PARD3B: variants seen among roughly 807,000 people sequenced by gnomAD.
PARD3B encodes the protein partitioning defective 3 homolog B.
In PARD3B, 103 loss-of-function variants were observed where a neutral mutation model predicts 130.2. That is an observed-to-expected ratio of 0.79 (90% CI 0.67 to 0.93). The LOEUF (loss-of-function observed/expected upper bound fraction) is 0.93, where lower values mean the gene tolerates loss of function less well. Among genes scored for constraint, PARD3B ranks in the 40% least tolerant of loss-of-function variants. The pLI, the probability that PARD3B is intolerant of heterozygous loss-of-function variation, is 0.00. For missense variants in PARD3B, 1,609 were observed against 1,499.2 expected (o/e 1.07, Z -1.21); for synonymous variants, 583 against 553.2 (o/e 1.05, Z -0.76).
Position 205,488,604 on chromosome 2 carries a change from G to A in PARD3B, c.3045-11292G>A, listed in dbSNP as rs117753639. Reference sequence around the variant, plus strand: ...ATTAGATGGCTCTTCCCTTGGTTGAGCATCAGCTGAAGTAGTTGGCTTGCA... The same window carrying A: ...ATTAGATGGCTCTTCCCTTGGTTGAACATCAGCTGAAGTAGTTGGCTTGCA... On this transcript the variant is annotated intron_variant, in intron 20 of 22. Transcript: ENST00000406610. Among the ~76,000 whole-genome samples the A allele has an allele frequency of 1.1e-4, 17 of 152,250 alleles. 1 individual carries two copies. In the East Asian group the frequency reaches 1.5e-3, roughly 14 times the overall value.
intron 2 of PARD3B, among the ~76,000 whole-genome samples, chr2:204,959,352 C>T (rs1426834678): frequency 6.6e-6 from 1 of 152,126 alleles, no homozygotes; most frequent in African/African-American, 2.4e-5. Flanking sequence ...TGTATATGTG[C>T]CACATTTTCT....
Position 205,478,765 on chromosome 2 carries a change from T to A in PARD3B, c.3045-21131T>A, listed in dbSNP as rs143238052. Among the ~76,000 whole-genome samples, 117 of 152,308 alleles carry A rather than the reference T, an allele frequency of 7.7e-4. 1 individual carries two copies. The highest frequency in any genetic ancestry group is 2.7e-3 in the African/African-American group (113 of 41,566). ...GCAAATGGTGCTAGCCTACCTTTTT[T>A]AAAGTGTGTGAGCTTGGACGTTCTC... On this transcript the variant is annotated intron_variant, in intron 20 of 22. Transcript: ENST00000406610.
chr2:205,194,884 A>G (rs1921783), intron 15 of PARD3B, among the ~76,000 whole-genome samples: 74,800 of 150,952 alleles, frequency 0.5, 19,224 homozygotes, highest in East Asian at 0.71. Flanking sequence ...CCTGGGTTCA[A>G]GTGATTCTCC....
At chr2:204,582,996 G>A (rs1296068568) in intron 1 of PARD3B, among the ~76,000 whole-genome samples, 1 of 151,826 alleles carries the variant, frequency 6.6e-6, no homozygotes, top group East Asian at 1.9e-4. Flanking sequence ...AGAGGATGTG[G>A]AGAAATAGGA....
intron 1 of PARD3B, among the ~76,000 whole-genome samples, chr2:204,640,951 T>C (rs2035056003): frequency 6.8e-6 from 1 of 147,978 alleles, no homozygotes; most frequent in African/African-American, 2.5e-5. Context: ...ATGTATAATA[T>C]ATTTACTGTA....
At chr2:204,797,153 A>G (rs967686379) in intron 2 of PARD3B, among the ~76,000 whole-genome samples, 20 of 146,302 alleles carry the variant, frequency 1.4e-4, no homozygotes, top group African/African-American at 5.1e-4. Flanking sequence ...CCAGCCTGAG[A>G]GACAGAGCGA....
chr2:204,650,938 C>A (rs550388405), intron 1 of PARD3B, among the ~76,000 whole-genome samples: 1 of 151,984 alleles, frequency 6.6e-6, no homozygotes, highest in South Asian at 2.1e-4. Flanking sequence ...TTCAGACAAC[C>A]AGATCTCAGG....
intron 1 of PARD3B, among the ~76,000 whole-genome samples, chr2:204,646,974 A>G (rs1397669464): frequency 2.0e-5 from 3 of 152,046 alleles, no homozygotes; most frequent in South Asian, 2.1e-4. Context: ...AGTGTTGAAT[A>G]TCTAACTTAA....
At chr2:204,761,598 C>CA (rs67376172) in intron 2 of PARD3B, among the ~76,000 whole-genome samples, 2,443 of 146,436 alleles carry the variant, frequency 0.017, 47 homozygotes, top group African/African-American at 0.055. Context: ...CTAAAAATTA[C>CA]AAAAAAAAAA....
intron 16 of PARD3B, among the ~76,000 whole-genome samples, chr2:205,285,440 G>C (rs568573819): frequency 6.6e-6 from 1 of 152,238 alleles, no homozygotes; most frequent in South Asian, 2.1e-4. Context: ...ATGTGCATTA[G>C]AGTGACTATG....
intron 18 of PARD3B, among the ~76,000 whole-genome samples, chr2:205,395,219 T>C (rs2045984875): frequency 6.6e-6 from 1 of 152,090 alleles, no homozygotes; most frequent in Non-Finnish European, 1.5e-5. Flanking sequence ...CACTTATACT[T>C]ACCCACCATT....
At chr2:205,437,172 A>G (rs1211383066) in intron 19 of PARD3B, among the ~76,000 whole-genome samples, 4 of 152,196 alleles carry the variant, frequency 2.6e-5, no homozygotes, top group Non-Finnish European at 4.4e-5. Context: ...CAAGTTTCAT[A>G]GCAAGGCATG....
At chr2:204,713,846 C>T (rs1450313531) in intron 2 of PARD3B, among the ~76,000 whole-genome samples, 1 of 151,898 alleles carries the variant, frequency 6.6e-6, no homozygotes, top group Non-Finnish European at 1.5e-5. Flanking sequence ...TTTTTTTCTG[C>T]CCAGCCCTGG....
rs2048794564 is a variant in PARD3B at position 205,470,674 on chromosome 2, T to C, written c.3045-29222T>C. Among the ~76,000 whole-genome samples the C allele has an allele frequency of 6.6e-6, 1 of 152,136 alleles. No homozygotes were observed. Among genetic ancestry groups the C allele is most frequent in the Non-Finnish European group, 1.5e-5 (1 of 68,042 alleles). ...CTGTCTCCCACTTAGATCCTCTGGC[T>C]TAGAAACTACTGAAGATCTGTAAAA... On this transcript the variant is annotated intron_variant, in intron 20 of 22. Coordinates refer to ENST00000406610, the MANE Select transcript of PARD3B (RefSeq NM_001302769.2). The surrounding 1 kb of genome is among the most constrained non-coding windows in gnomAD (Gnocchi z 4.8).
intron 2 of PARD3B, among the ~76,000 whole-genome samples, chr2:204,933,811 T>TA (rs5837944): frequency 0.098 from 14,956 of 152,218 alleles, 1,078 homozygotes; most frequent in Admixed American, 0.2. Context: ...ATTTATTTCC[T>TA]AAAATGATAA....
rs2054431686 is a variant in PARD3B, at chr2:205,592,726, G to C, written c.3261-22730G>C. On this transcript the variant is annotated intron_variant, in intron 22 of 22. Transcript: ENST00000406610. The surrounding 1 kb of genome is among the most constrained non-coding windows in gnomAD (Gnocchi z 4.5). ...GATTACTCAGTTAGCTCATAGGAGG[G>C]GCATCTGATTCAGAAGTAAAGGATC... Among the ~76,000 whole-genome samples the C allele has an allele frequency of 6.6e-6, 1 of 152,186 alleles. No homozygotes were observed. The highest frequency in any genetic ancestry group is 1.5e-5 in the Non-Finnish European group (1 of 68,034).
At chr2:205,464,187 T>A (rs1484219914) in intron 20 of PARD3B, among the ~76,000 whole-genome samples, 3 of 152,024 alleles carry the variant, frequency 2.0e-5, no homozygotes, top group African/African-American at 7.2e-5. Flanking sequence ...TGGAAAAAGG[T>A]TTGCCTTTGT....
intron 2 of PARD3B, among the ~76,000 whole-genome samples, chr2:204,832,892 T>C (rs1234020455): frequency 1.3e-5 from 2 of 152,158 alleles, no homozygotes; most frequent in Non-Finnish European, 2.9e-5. Context: ...TGCTGGGCAC[T>C]ATAAAGAGAA....
chr2:205,577,704 A>G (rs567332963), intron 22 of PARD3B, among the ~76,000 whole-genome samples: 1 of 152,312 alleles, frequency 6.6e-6, no homozygotes, highest in East Asian at 1.9e-4. Context: ...TGACAAAGAC[A>G]GTAGGAATAT....
Sources: gnomAD v4.1 joint callset for allele counts (sites outside exome capture counted in the v4.1 genomes callset) on GRCh38, gnomAD v4.1.1 for gene constraint, Gnocchi (gnomAD v3.1) non-coding constraint, MANE v1.5 for transcripts, NCBI Gene and HGNC (gene_info 2026-07-23, HGNC 2026-07-21) for gene names.